SAMSN1: variants seen among roughly 807,000 people sequenced by gnomAD.
The protein encoded by SAMSN1 is SAM domain, SH3 domain and nuclear localization signals 1, also known as SAM domain-containing protein SAMSN-1.
Under a neutral mutation model 42.0 loss-of-function variants are expected in SAMSN1, and 31 were observed. That is an observed-to-expected ratio of 0.74 (90% confidence interval 0.55 to 1.00). The LOEUF (loss-of-function observed/expected upper bound fraction) is 1.00. Ranked by LOEUF, SAMSN1 falls within the 50% of genes least tolerant of loss-of-function variation. The pLI is 0.00. For missense variants in SAMSN1, 464 were observed against 439.4 expected, an observed-to-expected ratio of 1.06 and a Z score of -0.50; for synonymous variants, 178 against 151.9, an observed-to-expected ratio of 1.17 and a Z score of -1.26.
chr21:14,594,621 G>A (rs1982201800), intron 6 of SAMSN1: 1 of 152,170 alleles, frequency 6.6e-6, no homozygotes, highest in Admixed American at 6.6e-5. Context: ...ACCTGTCAGT[G>A]TAACCTTCTA....
intron 1 of SAMSN1, among the ~76,000 whole-genome samples, chr21:14,542,753 T>C (rs781372393): frequency 6.6e-6 from 1 of 152,114 alleles, no homozygotes; most frequent in Non-Finnish European, 1.5e-5. Context: ...GAGACCAGCC[T>C]GAGCAACATA....
intron 7 of SAMSN1, among the ~76,000 whole-genome samples, chr21:14,590,178 G>A (rs1982037430): frequency 6.6e-6 from 1 of 152,044 alleles, no homozygotes. Flanking sequence ...ACCATTATAT[G>A]TGGCCTTTTT....
intron 1 of SAMSN1, among the ~76,000 whole-genome samples, chr21:14,650,860 C>T (rs1312571158): frequency 6.6e-6 from 1 of 151,766 alleles, no homozygotes; most frequent in Non-Finnish European, 1.5e-5. Context: ...ACTGATAATG[C>T]AGAAACTCAA....
At position 14,512,041 on chromosome 21, in the gene SAMSN1, GAGAA is replaced by G. The variant is rs916793451; in HGVS notation, c.409+399_409+402del. Among the ~76,000 whole-genome samples, 5 of 152,200 alleles carry G rather than the reference GAGAA, an allele frequency of 3.3e-5. No homozygotes were observed. The East Asian group carries it at 5.8e-4, about 18-fold the overall frequency. On this transcript the variant is annotated intron_variant, in intron 4 of 7. Transcript: ENST00000400566. The stretch of plus-strand genomic sequence containing the variant: ...GAGGGGGACGCAGGGAAGAGGAAGG[GAGAA>G]AGAAAGAGACAGAGAATGGAGCAGA...
chr21:14,593,887 T>C, intron 7 of SAMSN1: 2 of 584,068 alleles, frequency 3.4e-6, no homozygotes, highest in South Asian at 2.3e-5. Flanking sequence ...TTAGAAACAC[T>C]TCCATGTGGC....
chr21:14,527,760 T>TAAAAAAAAAAAAAAAAAAAAAAAA (rs71183427), intron 1 of SAMSN1, among the ~76,000 whole-genome samples: 1 of 107,850 alleles, frequency 9.3e-6, no homozygotes, highest in Non-Finnish European at 1.8e-5. Context: ...AAACTAGAAC[T>TAAAAAAAAAAAAAAAAAAAAAAAA]AAAAAAAAAA....
At chr21:14,559,572 T>G (rs950019552) in intron 2 of SAMSN1, among the ~76,000 whole-genome samples, 1 of 152,162 alleles carries the variant, frequency 6.6e-6, no homozygotes, top group Non-Finnish European at 1.5e-5. Flanking sequence ...AGCATGATCA[T>G]GGCTCACTGC....
chr21:14,490,045 GA>G (rs1405058651), intron 7 of SAMSN1, among the ~76,000 whole-genome samples: 1 of 152,000 alleles, frequency 6.6e-6, no homozygotes, highest in Non-Finnish European at 1.5e-5. Context: ...AAAAATTAAA[GA>G]TTCAAAAAAA....
intron 7 of SAMSN1, among the ~76,000 whole-genome samples, chr21:14,491,018 C>T (rs1986662267): frequency 6.6e-6 from 1 of 152,180 alleles, no homozygotes; most frequent in Non-Finnish European, 1.5e-5. Flanking sequence ...TATTTACCCT[C>T]CTCAGTTAAA....
chr21:14,628,288 T>C (rs1037988414), intron 2 of SAMSN1, among the ~76,000 whole-genome samples: 2 of 152,072 alleles, frequency 1.3e-5, no homozygotes, highest in Admixed American at 1.3e-4. Flanking sequence ...TGTTGAGTGT[T>C]ACCAACCCAA....
upstream of SAMSN1, chr21:14,583,561 T>C: frequency 1.5e-6 from 1 of 652,924 alleles, no homozygotes; most frequent in South Asian, 1.8e-5. Flanking sequence ...ATGATTATCT[T>C]AAGACTTTAT....
chr21:14,609,083 A>T (rs376345490), intron 5 of SAMSN1, among the ~76,000 whole-genome samples: 6 of 152,150 alleles, frequency 3.9e-5, no homozygotes, highest in Middle Eastern at 3.4e-3. Flanking sequence ...TTTCTCTTAA[A>T]TTTTTTAAGA....
At chr21:14,560,691 T>C (rs187668126) in intron 2 of SAMSN1, among the ~76,000 whole-genome samples, 2 of 152,356 alleles carry the variant, frequency 1.3e-5, no homozygotes, top group South Asian at 2.1e-4. Context: ...CTCTACTTCA[T>C]GCTCCACATT....
chr21:14,607,273 G>T (rs1394399340), intron 5 of SAMSN1, among the ~76,000 whole-genome samples: 1 of 152,170 alleles, frequency 6.6e-6, no homozygotes, highest in Non-Finnish European at 1.5e-5. Flanking sequence ...AGCTAAAAAG[G>T]AGTGTTTAAA....
intron 2 of SAMSN1, among the ~76,000 whole-genome samples, chr21:14,641,006 CT>C (rs58533757): frequency 0.77 from 116,368 of 151,704 alleles, 45,125 homozygotes; most frequent in Middle Eastern, 0.89. Context: ...TGCATATTTA[CT>C]TAAATGTGTG....
intron 1 of SAMSN1, among the ~76,000 whole-genome samples, chr21:14,648,528 A>G (rs916028544): frequency 2.0e-5 from 3 of 152,238 alleles, no homozygotes; most frequent in African/African-American, 7.2e-5. Context: ...CATCTGACAA[A>G]GGGCTAATAT....
chr21:14,548,974 T>C (rs1320750791), upstream of SAMSN1, among the ~76,000 whole-genome samples: 2 of 152,170 alleles, frequency 1.3e-5, no homozygotes, highest in East Asian at 3.8e-4. Context: ...ACAGTCTTGG[T>C]GCTTTACAAT....
chr21:14,518,635 A>C (rs1312909505), intron 2 of SAMSN1, among the ~76,000 whole-genome samples: 1 of 152,220 alleles, frequency 6.6e-6, no homozygotes, highest in Non-Finnish European at 1.5e-5. Context: ...TTAATATAAA[A>C]GTTTAACCAC....
At chr21:14,565,189 G>A (rs1052917929) in intron 2 of SAMSN1, among the ~76,000 whole-genome samples, 6 of 151,562 alleles carry the variant, frequency 4.0e-5, no homozygotes, top group African/African-American at 9.7e-5. Context: ...CCAGCTACTC[G>A]GGAGGCTGAG....
Sources: gnomAD v4.1 joint callset for allele counts (sites outside exome capture counted in the v4.1 genomes callset) on GRCh38, gnomAD v4.1.1 for gene constraint, MANE v1.5 for transcripts, NCBI Gene and HGNC (gene_info 2026-07-23, HGNC 2026-07-21) for gene names.